The following TMTC1 variants were observed in gnomAD, a reference collection of about 807,000 sequenced individuals.
TMTC1 encodes transmembrane O-mannosyltransferase targeting cadherins 1, also known as protein O-mannosyl-transferase TMTC1.
Under a neutral mutation model 104.8 loss-of-function variants are expected in TMTC1, and 73 were observed. The ratio of observed to expected loss-of-function variants is 0.70; its 90% CI spans 0.58 to 0.85. The LOEUF (loss-of-function observed/expected upper bound fraction) is 0.85, where lower values mean the gene tolerates loss of function less well. Ranked by LOEUF, TMTC1 falls within the 40% of genes least tolerant of loss-of-function variation. TMTC1 has a pLI of 0.00. For synonymous variants in TMTC1, 434 were observed against 428.7 expected (o/e 1.01, Z -0.15); for missense variants, 1,035 against 1,096.1 (o/e 0.94, Z 0.79).
intron 11 of TMTC1, among the ~76,000 whole-genome samples, chr12:29,524,057 TA>T (rs1466128557): frequency 2.0e-5 from 3 of 152,210 alleles, no homozygotes; most frequent in Admixed American, 6.5e-5. Context: ...GTACATCATT[TA>T]TTGGTTATGA....
Position 29,572,099 on chromosome 12 carries a change from G to A in TMTC1, c.1532+6C>T, listed in dbSNP as rs774023950. On this transcript the variant is annotated splice_donor_region_variant and intron_variant, in intron 9 of 17. Coordinates refer to ENST00000539277, the MANE Select transcript of TMTC1 (RefSeq NM_001193451.2). ...AAGGCCAACACCCTCCCTGTGTGGCGCTTACTTGAGAGCTGTTCTGTAGTG... is the reference window on the plus strand; with the variant it reads ...AAGGCCAACACCCTCCCTGTGTGGCACTTACTTGAGAGCTGTTCTGTAGTG... 3.7e-5 allele frequency: 60 copies of A among 1,609,682 alleles called. No homozygotes were observed. The Middle Eastern group carries it at 4.9e-4, about 13-fold the overall frequency.
chr12:29,738,400 A>G (rs1347668485), intron 5 of TMTC1, among the ~76,000 whole-genome samples: 2 of 152,222 alleles, frequency 1.3e-5, no homozygotes, highest in Non-Finnish European at 2.9e-5. Flanking sequence ...GTTTCTCACT[A>G]TTGAAGCTCT....
At chr12:29,541,528 G>A (rs1274980079) in intron 10 of TMTC1, among the ~76,000 whole-genome samples, 4 of 152,072 alleles carry the variant, frequency 2.6e-5, no homozygotes, top group Non-Finnish European at 5.9e-5. Context: ...CAAGGAGAAT[G>A]TGCCATTTTT....
chr12:29,574,230 T>C (rs536582076), intron 8 of TMTC1, among the ~76,000 whole-genome samples: 5 of 147,026 alleles, frequency 3.4e-5, no homozygotes, highest in Non-Finnish European at 7.4e-5. Flanking sequence ...TAGATTTCCT[T>C]CTTCTTCTTT....
At chr12:29,533,045 T>C (rs1192938566) in intron 11 of TMTC1, 3 of 152,208 alleles carry the variant, frequency 2.0e-5, no homozygotes, top group Non-Finnish European at 2.9e-5. Context: ...CCAGAATGCA[T>C]AGAAAAGCCT....
chr12:29,568,001 T>G (rs527249624), intron 9 of TMTC1, among the ~76,000 whole-genome samples: 5 of 152,214 alleles, frequency 3.3e-5, no homozygotes, highest in Admixed American at 6.5e-5. Context: ...TATTACTTTC[T>G]TTTTCCACAT....
chr12:29,755,927 A>G, intron 3 of TMTC1, 42 bp from the exon 4 acceptor site: 2 of 1,586,772 alleles, frequency 1.3e-6, no homozygotes, highest in Non-Finnish European at 1.7e-6. Context: ...AAGAAAGAAT[A>G]TGGTCTGCTA....
intron 13 of TMTC1, among the ~76,000 whole-genome samples, 166 bp downstream of exon 13, chr12:29,518,306 C>A (rs767200570): frequency 1.3e-5 from 2 of 152,144 alleles, no homozygotes; most frequent in Non-Finnish European, 2.9e-5. Flanking sequence ...GAATTATGAT[C>A]CCATTTATAT....
At chr12:29,653,659 G>C (rs989238590) in intron 5 of TMTC1, among the ~76,000 whole-genome samples, 16 of 152,130 alleles carry the variant, frequency 1.1e-4, no homozygotes, top group Non-Finnish European at 2.4e-4. Flanking sequence ...AAAAGTTATT[G>C]GTCAGTCACA....
chr12:29,556,794 T>G, intron 10 of TMTC1, 63 bp downstream of exon 10: 10 of 1,602,224 alleles, frequency 6.2e-6, no homozygotes, highest in African/African-American at 1.3e-5. Flanking sequence ...AAATGAGTGT[T>G]GAGAAGGAAA....
intron 5 of TMTC1, among the ~76,000 whole-genome samples, chr12:29,688,457 G>A (rs1304825556): frequency 6.6e-6 from 1 of 152,176 alleles, no homozygotes; most frequent in Non-Finnish European, 1.5e-5. Context: ...CATTAGAGAA[G>A]AGTTCTGCAA....
chr12:29,580,366 C>G (rs573588387), intron 8 of TMTC1, among the ~76,000 whole-genome samples: 1 of 152,124 alleles, frequency 6.6e-6, no homozygotes, highest in East Asian at 1.9e-4. Flanking sequence ...TGTGTAGGAA[C>G]CCTGCATCTG....
intron 5 of TMTC1, among the ~76,000 whole-genome samples, chr12:29,672,547 T>A (rs575519364): frequency 1.2e-4 from 18 of 151,602 alleles, no homozygotes; most frequent in Admixed American, 1.0e-3. Context: ...CCAGGCAGCT[T>A]CAATTTAGGG....
chr12:29,544,630 G>A (rs1053377894), intron 10 of TMTC1, among the ~76,000 whole-genome samples: 1 of 152,184 alleles, frequency 6.6e-6, no homozygotes, highest in Non-Finnish European at 1.5e-5. Context: ...CTGGTTCTGC[G>A]CATGGGGGCG....
chr12:29,525,071 GTCTGGAGGGCCCTTT>G (rs1944297427), intron 11 of TMTC1, among the ~76,000 whole-genome samples: 1 of 147,374 alleles, frequency 6.8e-6, no homozygotes, highest in Non-Finnish European at 1.5e-5. Context: ...AGGTCAAAGA[GTCTGGAGGGCCCTTT>G]TCAGTTGTGA....
At chr12:29,749,167 T>C (rs1943028162) in intron 5 of TMTC1, among the ~76,000 whole-genome samples, 1 of 152,116 alleles carries the variant, frequency 6.6e-6, no homozygotes. Flanking sequence ...GAGGAATTCA[T>C]ATTTCTTCCT....
intron 7 of TMTC1, among the ~76,000 whole-genome samples, chr12:29,596,315 T>C (rs1946403055): frequency 6.6e-6 from 1 of 152,160 alleles, no homozygotes; most frequent in African/African-American, 2.4e-5. Flanking sequence ...CTGACGTCTT[T>C]ACTTTTCGTT....
At position 29,688,934 on chromosome 12, in the gene TMTC1, A is replaced by C. The variant is rs529004466; in HGVS notation, c.939-55598T>G. On this transcript the variant is annotated intron_variant, in intron 5 of 17. Coordinates refer to ENST00000539277, the MANE Select transcript of TMTC1 (RefSeq NM_001193451.2). ...CCTCCCTGGTGGCCCTGTGTGACCA[A>C]TGAGATCTAAGAAAAGTGTCAGGTG... Among the ~76,000 whole-genome samples, 102 of 152,282 alleles carry C rather than the reference A, an allele frequency of 6.7e-4. 1 individual carries two copies. The highest frequency in any genetic ancestry group is 2.3e-3 in the African/African-American group (97 of 41,560).
At chr12:29,758,147 T>C (rs546824504) in intron 3 of TMTC1, among the ~76,000 whole-genome samples, 9 of 152,128 alleles carry the variant, frequency 5.9e-5, no homozygotes, top group Non-Finnish European at 7.3e-5. Context: ...AGGGTAAAGG[T>C]GTAATATAAT....
Sources: allele counts gnomAD v4.1 joint callset (sites outside exome capture counted in the v4.1 genomes callset), GRCh38; gene constraint gnomAD v4.1.1; transcripts MANE v1.5; gene names NCBI Gene and HGNC (gene_info 2026-07-23, HGNC 2026-07-21).